CYTH3: variants seen among roughly 807,000 people sequenced by gnomAD.
The protein encoded by CYTH3 is cytohesin-3.
Under a neutral mutation model 55.1 loss-of-function variants are expected in CYTH3, and 23 were observed. The observed-to-expected ratio is 0.42, with a 90% CI of 0.30 to 0.59. The LOEUF (loss-of-function observed/expected upper bound fraction) is 0.59. Ranked by LOEUF, CYTH3 falls within the 20% of genes least tolerant of loss-of-function variation. The pLI is 0.20. For synonymous variants in CYTH3, 249 were observed against 194.9 expected (o/e 1.28, Z -2.31); for missense variants, 413 against 524.8 (o/e 0.79, Z 2.08).
intron 1 of CYTH3, among the ~76,000 whole-genome samples, chr7:6,201,896 CA>C (rs1329826317): frequency 2.0e-5 from 3 of 151,326 alleles, no homozygotes; most frequent in Non-Finnish European, 2.9e-5. Flanking sequence ...AAAAATAATC[CA>C]AAAAAAGGCA....
chr7:6,173,782 C>T lies in CYTH3; in HGVS notation c.369-49G>A, dbSNP rs150962348. On this transcript the variant is annotated intron_variant, in intron 5 of 12. Coordinates refer to ENST00000350796, the MANE Select transcript of CYTH3 (RefSeq NM_004227.4). The stretch of plus-strand genomic sequence containing the variant: ...CAAACCTAATGTACATTATCGCAAT[C>T]ATTTTAAAAGATGCGGCTGATGAAT... 9.0e-6 allele frequency: 10 copies of T among 1,116,090 alleles called. No homozygotes were observed. The East Asian group carries it at 2.4e-4, about 26-fold the overall frequency. 69.1% of individuals were successfully genotyped at this position (1,116,090 alleles called of 1,614,324 possible). A position where few individuals can be genotyped will look rare whatever the true frequency, so the allele number is the denominator to read the frequency against.
intron 1 of CYTH3, among the ~76,000 whole-genome samples, chr7:6,206,968 A>T (rs1355095673): frequency 2.0e-5 from 3 of 152,144 alleles, no homozygotes; most frequent in African/African-American, 7.2e-5. Flanking sequence ...AAAACCCATC[A>T]ATTTTAAGTA....
At chr7:6,240,940 C>A (rs1030281545) in intron 1 of CYTH3, among the ~76,000 whole-genome samples, 2 of 151,824 alleles carry the variant, frequency 1.3e-5, no homozygotes, top group African/African-American at 4.8e-5. Flanking sequence ...ATGGTGAAAC[C>A]CCGTCTCTGC....
intron 1 of CYTH3, among the ~76,000 whole-genome samples, chr7:6,218,172 A>G (rs1784468164): frequency 6.6e-6 from 1 of 152,160 alleles, no homozygotes; most frequent in Non-Finnish European, 1.5e-5. Flanking sequence ...GCCAGACCCT[A>G]TCTCAAAAAG....
At chr7:6,231,903 C>T (rs1161577380) in intron 1 of CYTH3, among the ~76,000 whole-genome samples, 1 of 152,178 alleles carries the variant, frequency 6.6e-6, no homozygotes, top group Non-Finnish European at 1.5e-5. Flanking sequence ...TCTTCACTGT[C>T]GGAACAGGCT....
chr7:6,207,528 G>A (rs1784223306), intron 1 of CYTH3, among the ~76,000 whole-genome samples: 1 of 152,182 alleles, frequency 6.6e-6, no homozygotes. Flanking sequence ...ACTTTGGGAA[G>A]CCAAGGGGGT....
At chr7:6,200,332 T>C (rs989923480) in intron 1 of CYTH3, among the ~76,000 whole-genome samples, 7 of 152,104 alleles carry the variant, frequency 4.6e-5, no homozygotes, top group African/African-American at 1.7e-4. Flanking sequence ...TTCCACGGAG[T>C]TCACTCGCAG....
intron 1 of CYTH3, among the ~76,000 whole-genome samples, chr7:6,217,969 G>A (rs1784463861): frequency 6.6e-6 from 1 of 152,110 alleles, no homozygotes. Context: ...GATCACTTGA[G>A]CTCTGGAGTT....
intron 1 of CYTH3, among the ~76,000 whole-genome samples, chr7:6,255,031 C>G (rs1056173193): frequency 7.2e-5 from 11 of 152,302 alleles, no homozygotes; most frequent in Admixed American, 1.3e-4. Context: ...TAAAGACAGG[C>G]AGGCCAGAGG....
In CYTH3 at chr7:6,176,553, G is replaced by A. The variant is rs566474598; in HGVS notation, c.368+1270C>T. On this transcript the variant is annotated intron_variant, in intron 5 of 12. Coordinates refer to ENST00000350796, the MANE Select transcript of CYTH3 (RefSeq NM_004227.4). The stretch of plus-strand genomic sequence containing the variant: ...TGGGATTACAGGCATGAGGCACCAC[G>A]CCTGGCCAATTGAGTTTTGTATATT... 4.6e-5 allele frequency among the ~76,000 whole-genome samples: 7 copies of A among 152,182 alleles called. No homozygotes were observed. In the East Asian group the frequency reaches 5.8e-4, roughly 13 times the overall value.
At chr7:6,186,136 C>T (rs1003775071) in intron 4 of CYTH3, among the ~76,000 whole-genome samples, 8 of 151,072 alleles carry the variant, frequency 5.3e-5, no homozygotes, top group African/African-American at 1.5e-4. Flanking sequence ...CTCAGCTACC[C>T]GGGAGGCTGA....
intron 1 of CYTH3, among the ~76,000 whole-genome samples, chr7:6,270,954 C>T (rs1379931196): frequency 6.6e-6 from 1 of 152,174 alleles, no homozygotes; most frequent in Non-Finnish European, 1.5e-5. Flanking sequence ...AACTGCCAAG[C>T]CAGCTAGCTG....
chr7:6,203,436 G>A (rs1784106449), intron 1 of CYTH3, among the ~76,000 whole-genome samples: 1 of 152,132 alleles, frequency 6.6e-6, no homozygotes, highest in Admixed American at 6.5e-5. Flanking sequence ...AGAATAATCT[G>A]ATGAAGGATT....
chr7:6,169,919 G>A lies in CYTH3; in HGVS notation c.823+616C>T, dbSNP rs1035404407. 2.6e-5 allele frequency among the ~76,000 whole-genome samples: 4 copies of A among 152,182 alleles called. No homozygotes were observed. Among genetic ancestry groups the A allele is most frequent in the African/African-American group, 7.2e-5 (3 of 41,438 alleles). ...AGCCACTCTCAGCCCCGCCCCTGGG[G>A]GTGGGTGTAGCATTCACCACACCGT... On this transcript the variant is annotated intron_variant, in intron 9 of 12. Coordinates refer to ENST00000350796, the MANE Select transcript of CYTH3 (RefSeq NM_004227.4). This position sits in a 1 kb window ranked among gnomAD's most constrained non-coding sequence, Gnocchi z 4.1.
intron 1 of CYTH3, among the ~76,000 whole-genome samples, chr7:6,236,904 T>C (rs1779538586): frequency 6.6e-6 from 1 of 152,176 alleles, no homozygotes. Context: ...ACATATGAAG[T>C]AGTGTTTCAA....
chr7:6,239,230 A>T (rs757778699), intron 1 of CYTH3, among the ~76,000 whole-genome samples: 1 of 152,132 alleles, frequency 6.6e-6, no homozygotes, highest in Non-Finnish European at 1.5e-5. Flanking sequence ...GACAACCTTT[A>T]TATTTGTTGA....
At chr7:6,266,855 A>G (rs535457755) in intron 1 of CYTH3, among the ~76,000 whole-genome samples, 3 of 152,330 alleles carry the variant, frequency 2.0e-5, no homozygotes, top group East Asian at 1.9e-4. Context: ...CATGAGCTCC[A>G]TGAACGTGGG....
chr7:6,211,237 T>C (rs906650826), intron 1 of CYTH3, among the ~76,000 whole-genome samples: 3 of 152,242 alleles, frequency 2.0e-5, no homozygotes, highest in African/African-American at 7.2e-5. Flanking sequence ...CCCTCCCTGA[T>C]CACCCTGTCT....
At position 6,162,065 on chromosome 7, in the gene CYTH3, A is replaced by G. The variant is rs779319942; in HGVS notation, c.*2879T>C. On this transcript the variant is annotated 3_prime_UTR_variant, in exon 13 of 13. Coordinates refer to ENST00000350796, the MANE Select transcript of CYTH3 (RefSeq NM_004227.4). ...CACAGACCTAACTTCTCAGCAAAGC[A>G]TATCTATGTAGATATCTGCGTTTGT... 38 of 152,690 alleles carry G rather than the reference A, an allele frequency of 2.5e-4. No individual in the cohort carries two copies. Among genetic ancestry groups the G allele is most frequent in the Admixed American group, 3.9e-4 (6 of 15,292 alleles). The allele number at this position is 152,690 out of a possible 1,614,324, so 9.5% of individuals were successfully genotyped here. A position where few individuals can be genotyped will look rare whatever the true frequency, so the allele number is the denominator to read the frequency against.
Sources: gnomAD v4.1 joint callset for allele counts (sites outside exome capture counted in the v4.1 genomes callset) on GRCh38, gnomAD v4.1.1 for gene constraint, Gnocchi (gnomAD v3.1) non-coding constraint, MANE v1.5 for transcripts, NCBI Gene and HGNC (gene_info 2026-07-23, HGNC 2026-07-21) for gene names.